The following HR variants were observed in gnomAD, a reference collection of about 807,000 sequenced individuals.
HR encodes HR lysine demethylase and nuclear receptor corepressor, also known as lysine-specific demethylase hairless.
HR carries 83 observed loss-of-function variants against 128.6 expected under a neutral mutation model. The observed-to-expected ratio is 0.65, with a 90% CI of 0.54 to 0.77. The LOEUF is 0.77. Among genes scored for constraint, HR ranks in the 30% least tolerant of loss-of-function variants. HR has a pLI of 0.00. For synonymous variants in HR, 681 were observed against 658.2 expected, an observed-to-expected ratio of 1.03 and a Z score of -0.53; for missense variants, 1,490 against 1,574.6, an observed-to-expected ratio of 0.95 and a Z score of 0.91.
intron 2 of HR, 69 bp from the exon 3 acceptor site, chr8:22,127,898 C>A: frequency 7.0e-7 from 1 of 1,434,138 alleles, no homozygotes. Flanking sequence ...ATGGGCAGAA[C>A]TGACAAGCAA....
At chr8:22,120,244 T>G (rs1826703605) in intron 12 of HR, 71 bp from the exon 13 acceptor site, 43 of 1,606,088 alleles carry the variant, frequency 2.7e-5, no homozygotes, top group South Asian at 1.7e-4. Context: ...CAGCAACACC[T>G]GCTTCCAGCC....
At chr8:22,121,271 T>C in intron 9 of HR, 43 bp from the exon 10 acceptor site, 3 of 1,604,542 alleles carry the variant, frequency 1.9e-6, no homozygotes, top group Non-Finnish European at 2.6e-6. Flanking sequence ...GTTTGGTCCC[T>C]CCTCTTCCCC....
In HR at chr8:22,116,964, G is replaced by A. The variant is rs762297879; in HGVS notation, c.3289C>T (p.Arg1097Cys). The change falls in exon 17 of 19, where the codon CGC (arginine) becomes TGC (cysteine). Residue 1097 changes from arginine (R) to cysteine (C), a missense_variant. This residue lies in a region of HR where 423 missense variants were observed against 495.9 expected (regional missense o/e 0.85). Coordinates refer to ENST00000381418, the MANE Select transcript of HR (RefSeq NM_005144.5). The surrounding 1 kb of genome is among the most constrained non-coding windows in gnomAD (Gnocchi z 4.2). ...CTCACGCCCCACTCCTCCCGCAGGC[G>A]CCGCCGCAGCCCTGCATCCAGGTAG... ...SCYLDAGLRR[R>C]LREEWGVSCW... 17 of 1,537,314 alleles carry A rather than the reference G, an allele frequency of 1.1e-5. No individual in the cohort carries two copies. Among genetic ancestry groups the A allele is most frequent in the South Asian group, 7.1e-5 (6 of 84,094 alleles).
rs1216246147 is a variant in HR at position 22,115,545 on chromosome 8, A to G, written c.*155T>C. The stretch of plus-strand genomic sequence containing the variant: ...CACTGTGGTTGTTGGCTTAAGGGGG[A>G]GGGGAACAGAGTGCCCTGCTTGTGC... On this transcript the variant is annotated 3_prime_UTR_variant, in exon 19 of 19. Coordinates refer to ENST00000381418, the MANE Select transcript of HR (RefSeq NM_005144.5). The G allele has an allele frequency of 1.0e-5, 7 of 697,758 alleles. No homozygotes were observed. Among genetic ancestry groups the G allele is most frequent in the Non-Finnish European group, 1.8e-5 (7 of 385,414 alleles). 43.2% of individuals were successfully genotyped at this position (697,758 alleles called of 1,614,324 possible). A position where few individuals can be genotyped will look rare whatever the true frequency, so the allele number is the denominator to read the frequency against.
chr8:22,120,888 G>A lies in HR; in HGVS notation c.2438C>T (p.Ala813Val), dbSNP rs757654503. The stretch of plus-strand genomic sequence containing the variant: ...GCCAGCTCGAAGCCCCGGCCCCAGG[G>A]CTTTCTCCTGGATCTTCCGTTCCAC... The part of the protein sequence containing the change: ...QVVERKIQEK[A>V]LGPGLRAGPG... The change falls in exon 11 of 19, where the codon GCC becomes GTC. Residue 813 changes from alanine to valine, a missense_variant. Ala to Val is a moderately conservative substitution (Grantham distance 64). This residue lies in a region of HR where 423 missense variants were observed against 495.9 expected (regional missense o/e 0.85). Transcript: ENST00000381418. 8 of 1,555,178 alleles carry A rather than the reference G, an allele frequency of 5.1e-6. No homozygotes were observed. Among genetic ancestry groups the A allele is most frequent in the Non-Finnish European group, 3.5e-6 (4 of 1,149,438 alleles).
intron 5 of HR, 22 bp from the exon 6 acceptor site, chr8:22,123,835 G>C: frequency 6.3e-7 from 1 of 1,586,444 alleles, no homozygotes; most frequent in Non-Finnish European, 8.5e-7. Context: ...GGAGAGAACA[G>C]GGTCAGAGGG....
Position 22,119,028 on chromosome 8 carries a change from A to G in HR, c.3135T>C (p.Ser1045=). 6.2e-7 allele frequency: 1 copy of G among 1,613,226 alleles called. No homozygotes were observed. The highest frequency in any genetic ancestry group is 1.7e-5 in the Admixed American group (1 of 60,024). ...LSGLDGEGLW[S]PGSQVSTVWH... Reference sequence around the variant, plus strand: ...ACACAGTGCTGACCTGGCTGCCCGGAGACCAGAGCCCCTCCCCGTCCAGGC... The same window carrying G: ...ACACAGTGCTGACCTGGCTGCCCGGGGACCAGAGCCCCTCCCCGTCCAGGC... The change falls in exon 16 of 19, where the codon TCT becomes TCC. Residue 1045 remains serine, a synonymous_variant. Coordinates refer to ENST00000381418, the MANE Select transcript of HR (RefSeq NM_005144.5).
chr8:22,119,705 TGACAGGCA>T (rs1291222687), intron 14 of HR, 47 bp downstream of exon 14: 8 of 1,557,356 alleles, frequency 5.1e-6, no homozygotes, highest in Non-Finnish European at 6.9e-6. Context: ...TGCCCCGAGA[TGACAGGCA>T]GACAGGCATG....
Position 22,116,420 on chromosome 8 carries a change from G to T in HR, c.3387C>A (p.Gly1129=). Residue 1129 remains glycine, a synonymous_variant, in exon 18 of 19, where the codon GGC becomes GGA. Coordinates refer to ENST00000381418, the MANE Select transcript of HR (RefSeq NM_005144.5). This position sits in a 1 kb window ranked among gnomAD's most constrained non-coding sequence, Gnocchi z 4.2. ...GAGTGACGCTGACTGTGCTCACCAG[G>T]CCCTGCACCTGTGTCGGGGGGACAT... ...VPAGAPHQVQ[G]LVSTVSVTQH... 7 of 1,613,702 alleles carry T rather than the reference G, an allele frequency of 4.3e-6. No individual in the cohort carries two copies. Among genetic ancestry groups the T allele is most frequent in the Non-Finnish European group, 5.9e-6 (7 of 1,179,846 alleles).
chr8:22,126,990 G>C, intron 3 of HR, 47 bp downstream of exon 3: 2 of 1,542,406 alleles, frequency 1.3e-6, no homozygotes, highest in Non-Finnish European at 1.8e-6. Flanking sequence ...CCCAGCCCCG[G>C]CTGCCCCCTC....
rs1167893043 is a variant in HR, at chr8:22,116,508, C to CTCT, written c.3379-83_3379-81dup. ...CCCCCTGGTCCCTGAGGTTCGCTTC[C>CTCT]TCTAATGACAACCACCCCCGACCCC... On this transcript the variant is annotated intron_variant, in intron 17 of 18. Transcript: ENST00000381418. The surrounding 1 kb of genome is among the most constrained non-coding windows in gnomAD (Gnocchi z 4.2). 7.7e-6 allele frequency: 12 copies of CTCT among 1,551,902 alleles called. No individual in the cohort carries two copies. In the Admixed American group the frequency reaches 2.3e-4, roughly 30 times the overall value.
At chr8:22,125,767 T>G in intron 3 of HR, 35 bp from the exon 4 acceptor site, 1 of 1,611,454 alleles carries the variant, frequency 6.2e-7, no homozygotes, top group Non-Finnish European at 8.5e-7. Flanking sequence ...GAATCTGGGT[T>G]TCTTGGGCTG....
chr8:22,125,755 A>C, intron 3 of HR, 23 bp from the exon 4 acceptor site: 1 of 1,612,850 alleles, frequency 6.2e-7, no homozygotes, highest in Non-Finnish European at 8.5e-7. Context: ...TGCAGAGGTC[A>C]GGAATCTGGG....
At chr8:22,123,617 T>TCCA in intron 6 of HR, 32 bp downstream of exon 6, 6 of 292,092 alleles carry the variant, frequency 2.1e-5, no homozygotes, top group South Asian at 6.1e-5. Context: ...GAGGGCTCCA[T>TCCA]CCCGCCCTCC....
At position 22,127,464 on chromosome 8, in the gene HR, G is replaced by A. The variant is rs774251212; in HGVS notation, c.978C>T (p.Cys326=). ...SPEPPVTQRG[C]CSSYPPTKGG... is the part of the protein sequence containing the mutation. ...CTTTAGTGGGTGGGTAGGATGAACA[G>A]CAGCCCCGCTGGGTGACAGGCGGCT... The change falls in exon 3 of 19, where the codon TGC becomes TGT. Residue 326 remains cysteine (C), a synonymous_variant. Transcript: ENST00000381418. 2.5e-6 allele frequency: 4 copies of A among 1,610,916 alleles called. No individual in the cohort carries two copies. Among genetic ancestry groups the A allele is most frequent in the Non-Finnish European group, 3.4e-6 (4 of 1,178,054 alleles).
chr8:22,116,969 C>G lies in HR; in HGVS notation c.3284G>C (p.Arg1095Pro). 1.3e-6 allele frequency: 2 copies of G among 1,536,698 alleles called. No individual in the cohort carries two copies. The highest frequency in any genetic ancestry group is 1.7e-6 in the Non-Finnish European group (2 of 1,146,288). ...PGSCYLDAGL[R>P]RRLREEWGVS... ...GCCCCACTCCTCCCGCAGGCGCCGC[C>G]GCAGCCCTGCATCCAGGTAGCAGCT... Residue 1095 changes from arginine (R) to proline (P), a missense_variant, in exon 17 of 19, where the codon CGG (arginine) becomes CCG (proline). Physicochemically the swap from Arg to Pro is moderately radical, Grantham distance 103. Transcript: ENST00000381418. The surrounding 1 kb of genome is among the most constrained non-coding windows in gnomAD (Gnocchi z 4.2).
chr8:22,128,042 G>A (rs1407068284), intron 2 of HR: 1 of 637,708 alleles, frequency 1.6e-6, no homozygotes, highest in South Asian at 1.8e-5. Context: ...GTCCCCACAA[G>A]GAAGTCTAAG....
At position 22,115,512 on chromosome 8, in the gene HR, C is replaced by G; in HGVS notation, c.*188G>C. The G allele has an allele frequency of 1.5e-6, 1 of 649,714 alleles. No homozygotes were observed. The highest frequency in any genetic ancestry group is 2.8e-6 in the Non-Finnish European group (1 of 355,452). The allele number at this position is 649,714 out of a possible 1,614,324, so 40.2% of individuals were successfully genotyped here. On this transcript the variant is annotated 3_prime_UTR_variant, in exon 19 of 19. Transcript: ENST00000381418. Reference sequence around the variant, plus strand: ...CCAGCCTGAGAAGGACAGGTGTGAGCTTGGTGGCACTGTGGTTGTTGGCTT... The same window carrying G: ...CCAGCCTGAGAAGGACAGGTGTGAGGTTGGTGGCACTGTGGTTGTTGGCTT...
chr8:22,122,114 A>T (rs1826769111), intron 8 of HR, among the ~76,000 whole-genome samples: 1 of 152,256 alleles, frequency 6.6e-6, no homozygotes, highest in Non-Finnish European at 1.5e-5. Flanking sequence ...TGCAGAATGC[A>T]CATTGAGCGC....
Sources: gnomAD v4.1 joint callset for allele counts (sites outside exome capture counted in the v4.1 genomes callset) on GRCh38, gnomAD v4.1.1 for gene constraint, gnomAD v4.1.1 regional missense constraint, Gnocchi (gnomAD v3.1) non-coding constraint, MANE v1.5 for transcripts, NCBI Gene and HGNC (gene_info 2026-07-23, HGNC 2026-07-21) for gene names.